SHISA6: variants seen among roughly 807,000 people sequenced by gnomAD.
The protein encoded by SHISA6 is protein shisa-6.
SHISA6 carries 22 observed loss-of-function variants against 47.9 expected under a neutral mutation model. That is an observed-to-expected ratio of 0.46 (90% CI 0.33 to 0.66). The LOEUF (loss-of-function observed/expected upper bound fraction) is 0.66, where lower values mean the gene tolerates loss of function less well. Among genes scored for constraint, SHISA6 ranks in the 30% least tolerant of loss-of-function variants. SHISA6 has a pLI of 0.02. For synonymous variants in SHISA6, 388 were observed against 337.8 expected (o/e 1.15, Z -1.63); for missense variants, 680 against 764.6 (o/e 0.89, Z 1.30).
At chr17:11,319,706 C>G (rs1316852715) in intron 2 of SHISA6, among the ~76,000 whole-genome samples, 1 of 152,174 alleles carries the variant, frequency 6.6e-6, no homozygotes, top group African/African-American at 2.4e-5. Flanking sequence ...CTAATTCTCC[C>G]TCTTTGAGGA....
intron 3 of SHISA6, among the ~76,000 whole-genome samples, chr17:11,454,605 G>T (rs1915487030): frequency 6.6e-6 from 1 of 152,096 alleles, no homozygotes; most frequent in African/African-American, 2.4e-5. Context: ...CAGACCTCAG[G>T]CCTGTGGACA....
Position 11,357,486 on chromosome 17 carries a change from G to A in SHISA6, c.800-21928G>A, listed in dbSNP as rs190491708. Among the ~76,000 whole-genome samples, 415 of 152,230 alleles carry A rather than the reference G, an allele frequency of 2.7e-3. 2 individuals carry two copies. Among genetic ancestry groups the A allele is most frequent in the African/African-American group, 9.1e-3 (377 of 41,530 alleles). ...CCCAAAAAATGCCTAGAGAGCAACCGATGTGTCTCCTCCTCCCCTTCCCCA... is the reference window on the plus strand; with the variant it reads ...CCCAAAAAATGCCTAGAGAGCAACCAATGTGTCTCCTCCTCCCCTTCCCCA... On this transcript the variant is annotated intron_variant, in intron 2 of 5. Coordinates refer to ENST00000441885, the MANE Select transcript of SHISA6 (RefSeq NM_207386.4).
intron 2 of SHISA6, among the ~76,000 whole-genome samples, chr17:11,343,089 T>A (rs1911591747): frequency 6.6e-6 from 1 of 152,182 alleles, no homozygotes; most frequent in African/African-American, 2.4e-5. Flanking sequence ...AACTCCTAAT[T>A]CTCATTCCAG....
At chr17:11,251,636 G>T (rs4791454) in intron 1 of SHISA6, among the ~76,000 whole-genome samples, 29,177 of 152,002 alleles carry the variant, frequency 0.19, 4,894 homozygotes, top group African/African-American at 0.46. Context: ...CCTGCCCCAT[G>T]TCTAACATCT....
At chr17:11,383,120 T>G (rs1913076254) in intron 3 of SHISA6, among the ~76,000 whole-genome samples, 1 of 152,008 alleles carries the variant, frequency 6.6e-6, no homozygotes, top group Non-Finnish European at 1.5e-5. Context: ...GTATTTTTAG[T>G]AGAGACAGGG....
intron 1 of SHISA6, among the ~76,000 whole-genome samples, chr17:11,260,534 T>C (rs1908193081): frequency 1.3e-5 from 2 of 152,040 alleles, no homozygotes; most frequent in African/African-American, 4.8e-5. Flanking sequence ...CCCCTTTCCC[T>C]GTCTCTTCTG....
rs562123987 is a variant in SHISA6, at chr17:11,278,806, A to G, written c.799+15280A>G. 2.1e-3 allele frequency among the ~76,000 whole-genome samples: 325 copies of G among 152,342 alleles called. 1 individual carries two copies. The highest frequency in any genetic ancestry group is 7.2e-3 in the African/African-American group (299 of 41,586). ...GTGGCTTAGATCTGTGATGAAATAG[A>G]TAAGCCTGCACTTTAATACACGTGG... is the stretch of plus-strand genomic sequence containing the variant. On this transcript the variant is annotated intron_variant, in intron 2 of 5. Coordinates refer to ENST00000441885, the MANE Select transcript of SHISA6 (RefSeq NM_207386.4).
At chr17:11,477,185 T>C (rs1916071932) in intron 3 of SHISA6, among the ~76,000 whole-genome samples, 1 of 152,228 alleles carries the variant, frequency 6.6e-6, no homozygotes, top group South Asian at 2.1e-4. Flanking sequence ...ATAGTCAGCA[T>C]AATTAGGTTT....
intron 2 of SHISA6, among the ~76,000 whole-genome samples, chr17:11,293,947 A>G (rs1392683879): frequency 6.6e-6 from 1 of 151,158 alleles, no homozygotes; most frequent in Non-Finnish European, 1.5e-5. Flanking sequence ...ATGCAGTGGC[A>G]CAATCTCGGC....
chr17:11,536,368 G>A (rs1332540828), intron 3 of SHISA6, among the ~76,000 whole-genome samples: 1 of 152,122 alleles, frequency 6.6e-6, no homozygotes, highest in African/African-American at 2.4e-5. Flanking sequence ...CTGGGTAGAT[G>A]CAGGTGGTGT....
chr17:11,277,628 T>C (rs1201535008), intron 2 of SHISA6, among the ~76,000 whole-genome samples: 3 of 152,180 alleles, frequency 2.0e-5, no homozygotes, highest in African/African-American at 4.8e-5. Flanking sequence ...AACTGAATTA[T>C]CTAAAGTAAA....
chr17:11,309,844 A>T (rs1910254322), intron 2 of SHISA6, among the ~76,000 whole-genome samples: 1 of 152,130 alleles, frequency 6.6e-6, no homozygotes, highest in South Asian at 2.1e-4. Context: ...TCCTTTCCCC[A>T]TTTTCAAATC....
At chr17:11,472,237 T>G (rs867967889) in intron 3 of SHISA6, among the ~76,000 whole-genome samples, 6 of 152,138 alleles carry the variant, frequency 3.9e-5, no homozygotes, top group Non-Finnish European at 7.3e-5. Flanking sequence ...CATTTAAGCT[T>G]CTTCCATGTC....
At chr17:11,553,750 T>A (rs1242558524) in intron 4 of SHISA6, among the ~76,000 whole-genome samples, 1 of 152,012 alleles carries the variant, frequency 6.6e-6, no homozygotes, top group Non-Finnish European at 1.5e-5. Flanking sequence ...GTCAAGGAGA[T>A]TGCAATATTT....
At chr17:11,524,272 G>A (rs1463575133) in intron 3 of SHISA6, among the ~76,000 whole-genome samples, 4 of 151,870 alleles carry the variant, frequency 2.6e-5, no homozygotes, top group Non-Finnish European at 4.4e-5. Flanking sequence ...TGTTTCAAAG[G>A]GAGACAGAAA....
At chr17:11,346,305 G>A (rs1370684127) in intron 2 of SHISA6, among the ~76,000 whole-genome samples, 3 of 152,136 alleles carry the variant, frequency 2.0e-5, no homozygotes, top group African/African-American at 7.2e-5. Flanking sequence ...AACCAACCTT[G>A]AATTTTGGGG....
At chr17:11,540,841 C>A (rs1470895342) in intron 3 of SHISA6, among the ~76,000 whole-genome samples, 2 of 152,172 alleles carry the variant, frequency 1.3e-5, no homozygotes, top group Non-Finnish European at 2.9e-5. Context: ...TTTCATGGAA[C>A]CCAGATATAT....
intron 2 of SHISA6, among the ~76,000 whole-genome samples, chr17:11,318,498 G>C (rs1597455638): frequency 6.6e-6 from 1 of 152,180 alleles, no homozygotes; most frequent in African/African-American, 2.4e-5. Context: ...TTCTTTCAAT[G>C]TGAGCCTGTC....
intron 1 of SHISA6, among the ~76,000 whole-genome samples, chr17:11,256,077 C>G (rs377624880): frequency 6.6e-6 from 1 of 152,208 alleles, no homozygotes. Flanking sequence ...TGCTAACAAC[C>G]GCCAAGTGGC....
Sources: gnomAD v4.1 joint callset for allele counts (sites outside exome capture counted in the v4.1 genomes callset) on GRCh38, gnomAD v4.1.1 for gene constraint, MANE v1.5 for transcripts, NCBI Gene and HGNC (gene_info 2026-07-23, HGNC 2026-07-21) for gene names.